Variants in TAFA1 observed in about 807,000 individuals in gnomAD.
The protein encoded by TAFA1 is TAFA chemokine like family member 1.
TAFA1 carries 4 observed loss-of-function variants against 18.5 expected under a neutral mutation model. The observed-to-expected ratio is 0.22, with a 90% CI of 0.11 to 0.49. The LOEUF is 0.49. Among genes scored for constraint, TAFA1 ranks in the 20% least tolerant of loss-of-function variants. TAFA1 has a pLI of 0.98. For missense variants in TAFA1, 147 were observed against 169.0 expected (o/e 0.87, Z 0.72); for synonymous variants, 56 against 55.2 (o/e 1.01, Z -0.06).
At chr3:68,084,450 G>T (rs2064945923) in intron 2 of TAFA1, among the ~76,000 whole-genome samples, 1 of 152,038 alleles carries the variant, frequency 6.6e-6, no homozygotes, top group Non-Finnish European at 1.5e-5. Context: ...TCTCTGCCAG[G>T]ATGCTTCCAA....
At chr3:68,190,572 C>T (rs1434097323) in intron 2 of TAFA1, among the ~76,000 whole-genome samples, 1 of 151,852 alleles carries the variant, frequency 6.6e-6, no homozygotes, top group Non-Finnish European at 1.5e-5. Context: ...CAGGCAGTTC[C>T]TCAGTCTTCC....
chr3:68,150,601 T>G (rs572192763), intron 2 of TAFA1, among the ~76,000 whole-genome samples: 1 of 152,114 alleles, frequency 6.6e-6, no homozygotes, highest in Non-Finnish European at 1.5e-5. Flanking sequence ...AAGAGGAGTG[T>G]TAACCAAGGC....
intron 2 of TAFA1, among the ~76,000 whole-genome samples, chr3:68,358,519 A>G (rs1258683550): frequency 6.6e-6 from 1 of 151,932 alleles, no homozygotes; most frequent in Non-Finnish European, 1.5e-5. Flanking sequence ...TCTCTCAGAC[A>G]CTGTATGATA....
At chr3:68,238,213 A>C (rs577435215) in intron 2 of TAFA1, among the ~76,000 whole-genome samples, 1 of 152,266 alleles carries the variant, frequency 6.6e-6, no homozygotes, top group South Asian at 2.1e-4. Flanking sequence ...AGTGTCCAAG[A>C]GGTGGTCTTT....
chr3:68,443,110 C>T (rs936947349), intron 3 of TAFA1, among the ~76,000 whole-genome samples: 4 of 152,036 alleles, frequency 2.6e-5, no homozygotes, highest in Admixed American at 2.0e-4. Flanking sequence ...TCGTAATTAC[C>T]TTGGCTCGAA....
chr3:68,135,886 G>A (rs1575637692), intron 2 of TAFA1, among the ~76,000 whole-genome samples: 3 of 152,224 alleles, frequency 2.0e-5, no homozygotes, highest in South Asian at 4.1e-4. Flanking sequence ...TGAATCTTAT[G>A]TGCATATAAA....
intron 2 of TAFA1, among the ~76,000 whole-genome samples, chr3:68,306,025 T>C (rs1171720468): frequency 1.3e-5 from 2 of 152,136 alleles, no homozygotes; most frequent in Non-Finnish European, 2.9e-5. Context: ...GAATACCCTT[T>C]GGTGATTGAA....
intron 2 of TAFA1, among the ~76,000 whole-genome samples, chr3:68,289,630 G>C (rs2068074723): frequency 6.6e-6 from 1 of 152,204 alleles, no homozygotes. Context: ...CTCCTGGTGA[G>C]AAATGATTAT....
At chr3:68,007,140 C>T (rs1236420208) in intron 2 of TAFA1, among the ~76,000 whole-genome samples, 1 of 152,186 alleles carries the variant, frequency 6.6e-6, no homozygotes, top group African/African-American at 2.4e-5. Flanking sequence ...AGTCCCCAAA[C>T]TAACTTTGGA....
At chr3:68,308,381 T>C (rs1433429484) in intron 2 of TAFA1, among the ~76,000 whole-genome samples, 1 of 152,240 alleles carries the variant, frequency 6.6e-6, no homozygotes, top group Non-Finnish European at 1.5e-5. Flanking sequence ...TTGCTACTAC[T>C]ATTTCTTCCC....
chr3:68,320,033 G>A (rs1295647062), intron 2 of TAFA1, among the ~76,000 whole-genome samples: 2 of 152,054 alleles, frequency 1.3e-5, no homozygotes, highest in African/African-American at 4.8e-5. Context: ...TAAATATACA[G>A]TATGTTTACA....
At chr3:68,332,084 C>G (rs138527548) in intron 2 of TAFA1, among the ~76,000 whole-genome samples, 1 of 151,412 alleles carries the variant, frequency 6.6e-6, no homozygotes, top group Non-Finnish European at 1.5e-5. Flanking sequence ...CGGATGGTCT[C>G]GATCTCCTGA....
At chr3:68,153,207 G>A (rs1583658) in intron 2 of TAFA1, among the ~76,000 whole-genome samples, 50,348 of 152,028 alleles carry the variant, frequency 0.33, 10,085 homozygotes, top group Admixed American at 0.48. Flanking sequence ...AATCTAACAC[G>A]ATCCAGTGCT....
chr3:68,483,984 A>G (rs965007415), intron 3 of TAFA1, among the ~76,000 whole-genome samples: 1 of 152,366 alleles, frequency 6.6e-6, no homozygotes, highest in East Asian at 1.9e-4. Flanking sequence ...ACATTTTACA[A>G]TAACACTGTC....
chr3:68,122,641 ATACT>A (rs1160839107), intron 2 of TAFA1, among the ~76,000 whole-genome samples: 2 of 152,186 alleles, frequency 1.3e-5, no homozygotes, highest in African/African-American at 4.8e-5. Flanking sequence ...TGTCATTGGC[ATACT>A]TTACATTTGT....
chr3:68,497,990 C>T (rs555036558), intron 3 of TAFA1, among the ~76,000 whole-genome samples: 13 of 152,310 alleles, frequency 8.5e-5, no homozygotes, highest in Admixed American at 3.3e-4. Flanking sequence ...GGATCTGATG[C>T]TACTCTGGGG....
At chr3:68,055,848 A>G (rs542215669) in intron 2 of TAFA1, among the ~76,000 whole-genome samples, 3 of 152,066 alleles carry the variant, frequency 2.0e-5, no homozygotes, top group Non-Finnish European at 4.4e-5. Flanking sequence ...CACTCTAGAC[A>G]GTTCTCTCAC....
At chr3:68,230,534 A>T (rs1013564163) in intron 2 of TAFA1, among the ~76,000 whole-genome samples, 18 of 152,142 alleles carry the variant, frequency 1.2e-4, no homozygotes, top group Non-Finnish European at 2.6e-4. Context: ...ATGGGCACTT[A>T]GGTTGATTTC....
At chr3:68,410,514 G>A (rs2070694828) in intron 2 of TAFA1, among the ~76,000 whole-genome samples, 1 of 151,892 alleles carries the variant, frequency 6.6e-6, no homozygotes, top group Admixed American at 6.6e-5. Context: ...TATTTTAGAT[G>A]TATGTTTTCT....
Sources: allele counts gnomAD v4.1 joint callset (sites outside exome capture counted in the v4.1 genomes callset), GRCh38; gene constraint gnomAD v4.1.1; transcripts MANE v1.5; gene names NCBI Gene and HGNC (gene_info 2026-07-23, HGNC 2026-07-21).